CDYL: variants seen among roughly 807,000 people sequenced by gnomAD.
The protein encoded by CDYL is chromodomain Y-like protein.
Under a neutral mutation model 47.3 loss-of-function variants are expected in CDYL, and 8 were observed. The ratio of observed to expected loss-of-function variants is 0.17; its 90% CI spans 0.10 to 0.31. The LOEUF (loss-of-function observed/expected upper bound fraction) is 0.31, where lower values mean the gene tolerates loss of function less well. Among genes scored for constraint, CDYL ranks in the 10% least tolerant of loss-of-function variants. The pLI is 1.00. For synonymous variants in CDYL, 266 were observed against 265.0 expected, an observed-to-expected ratio of 1.00 and a Z score of -0.04; for missense variants, 471 against 701.4, an observed-to-expected ratio of 0.67 and a Z score of 3.71.
intron 1 of CDYL, among the ~76,000 whole-genome samples, chr6:4,864,065 C>A (rs904308989): frequency 6.6e-6 from 1 of 152,132 alleles, no homozygotes; most frequent in Non-Finnish European, 1.5e-5. Context: ...TGTAATGACA[C>A]TGACTATGGA....
chr6:4,768,587 G>A (rs1359962425), intron 3 of CDYL, among the ~76,000 whole-genome samples: 1 of 152,146 alleles, frequency 6.6e-6, no homozygotes, highest in Non-Finnish European at 1.5e-5. Context: ...TATAAAAAAT[G>A]AATAAATTAA....
intron 1 of CDYL, among the ~76,000 whole-genome samples, chr6:4,885,126 TG>T (rs1318563134): frequency 6.6e-6 from 1 of 152,158 alleles, no homozygotes; most frequent in Non-Finnish European, 1.5e-5. Context: ...CCCAGGTAGC[TG>T]GGATTACAAG....
chr6:4,835,520 G>T (rs149492791), intron 1 of CDYL, among the ~76,000 whole-genome samples: 5,841 of 152,326 alleles, frequency 0.038, 163 homozygotes, highest in South Asian at 0.081. Context: ...CAGGGGTCAG[G>T]GGTCAGGGAC....
At chr6:4,766,826 A>G (rs1758258578) in intron 3 of CDYL, among the ~76,000 whole-genome samples, 1 of 151,928 alleles carries the variant, frequency 6.6e-6, no homozygotes, top group African/African-American at 2.4e-5. Context: ...CAATCTGGTG[A>G]AACCCTGTTC....
intron 1 of CDYL, among the ~76,000 whole-genome samples, chr6:4,849,403 C>CT (rs1760755121): frequency 6.6e-6 from 1 of 152,124 alleles, no homozygotes; most frequent in Non-Finnish European, 1.5e-5. Context: ...AATGCAAGTG[C>CT]TTTTTGAGGT....
At chr6:4,742,542 A>G (rs983489680) in intron 3 of CDYL, among the ~76,000 whole-genome samples, 2 of 152,016 alleles carry the variant, frequency 1.3e-5, no homozygotes, top group Non-Finnish European at 2.9e-5. Flanking sequence ...GAAGAGAGAA[A>G]TATTGCAGGT....
At chr6:4,762,672 T>C (rs923491213) in intron 3 of CDYL, among the ~76,000 whole-genome samples, 1 of 120,488 alleles carries the variant, frequency 8.3e-6, no homozygotes, top group African/African-American at 3.2e-5. Flanking sequence ...AAAAAAAAGG[T>C]TTAAGAGCAG....
intron 2 of CDYL, chr6:4,715,987 G>C: frequency 2.0e-6 from 3 of 1,476,838 alleles, no homozygotes; most frequent in Non-Finnish European, 2.7e-6. Context: ...GGTGGCTCAC[G>C]CCTATAATCC....
In CDYL at chr6:4,744,267, A is replaced by C. The variant is rs56914014; in HGVS notation, c.186+9423A>C. ...CAGCACTCTGGGAGGCTGAGGTGGGAGGACTGCTTGAGGCCAGGAATTTAA... is the reference window on the plus strand; with the variant it reads ...CAGCACTCTGGGAGGCTGAGGTGGGCGGACTGCTTGAGGCCAGGAATTTAA... On this transcript the variant is annotated intron_variant, in intron 3 of 8. Transcript: ENST00000328908. 1.6e-3 allele frequency among the ~76,000 whole-genome samples: 246 copies of C among 152,308 alleles called. 1 individual carries two copies. The highest frequency in any genetic ancestry group is 6.8e-3 in the Middle Eastern group (2 of 294).
At chr6:4,797,027 T>G (rs1162455320) in intron 1 of CDYL, among the ~76,000 whole-genome samples, 2 of 152,228 alleles carry the variant, frequency 1.3e-5, no homozygotes, top group Non-Finnish European at 2.9e-5. Flanking sequence ...TATCTGTTAT[T>G]TTGATTAAAT....
At chr6:4,741,439 A>G (rs1239133095) in intron 3 of CDYL, among the ~76,000 whole-genome samples, 1 of 152,254 alleles carries the variant, frequency 6.6e-6, no homozygotes, top group Non-Finnish European at 1.5e-5. Context: ...AAACCTAGAG[A>G]TAAGCAGTCC....
chr6:4,883,448 A>G (rs1761817912), intron 1 of CDYL, among the ~76,000 whole-genome samples: 1 of 152,214 alleles, frequency 6.6e-6, no homozygotes, highest in Admixed American at 6.5e-5. Flanking sequence ...TATCAGAAGC[A>G]GCAGGGGATG....
chr6:4,860,124 A>G (rs1761121585), intron 1 of CDYL, among the ~76,000 whole-genome samples: 1 of 151,906 alleles, frequency 6.6e-6, no homozygotes, highest in South Asian at 2.1e-4. Flanking sequence ...GATGGTCTCG[A>G]TCTCCTGACC....
chr6:4,952,518 A>G, intron 6 of CDYL, 109 bp downstream of exon 6: 1 of 1,214,454 alleles, frequency 8.2e-7, no homozygotes, highest in Non-Finnish European at 1.1e-6. Flanking sequence ...TTTGTCCTCA[A>G]CAGAGCACCT....
chr6:4,955,007 T>G lies in CDYL; in HGVS notation c.*951T>G, dbSNP rs1373312223. The G allele has an allele frequency of 6.6e-5, 10 of 152,576 alleles. No homozygotes were observed. Among genetic ancestry groups the G allele is most frequent in the Admixed American group, 5.9e-4 (9 of 15,290 alleles). 9.5% of individuals were successfully genotyped at this position (152,576 alleles called of 1,614,324 possible). A position where few individuals can be genotyped will look rare whatever the true frequency, so the allele number is the denominator to read the frequency against. On this transcript the variant is annotated 3_prime_UTR_variant, in exon 7 of 7. Transcript: ENST00000397588. ...TATAAAGTGTAATTTTTAGGTTCAC[T>G]TAGAATATATTTTATTTAATAAGTT...
intron 1 of CDYL, among the ~76,000 whole-genome samples, chr6:4,818,574 G>C (rs113431184): frequency 0.023 from 3,506 of 152,166 alleles, 143 homozygotes; most frequent in African/African-American, 0.08. Context: ...ATTGACTTTT[G>C]GGCCACAATT....
chr6:4,942,226 TG>T (rs1322049708), intron 4 of CDYL, among the ~76,000 whole-genome samples: 1 of 152,122 alleles, frequency 6.6e-6, no homozygotes, highest in Non-Finnish European at 1.5e-5. Flanking sequence ...CCACAAACCT[TG>T]GGGGCTAGGC....
At chr6:4,805,664 C>G (rs9502240) in intron 1 of CDYL, among the ~76,000 whole-genome samples, 4,478 of 152,164 alleles carry the variant, frequency 0.029, 72 homozygotes, top group Middle Eastern at 0.075. Context: ...ACTGAAGGCC[C>G]GGGAACCAGG....
At chr6:4,825,840 T>C (rs1000207159) in intron 1 of CDYL, among the ~76,000 whole-genome samples, 3 of 135,104 alleles carry the variant, frequency 2.2e-5, no homozygotes, top group Non-Finnish European at 4.6e-5. Context: ...TACATACACC[T>C]AGAATGGCAA....
Sources: allele counts gnomAD v4.1 joint callset (sites outside exome capture counted in the v4.1 genomes callset), GRCh38; gene constraint gnomAD v4.1.1; transcripts MANE v1.5; gene names NCBI Gene and HGNC (gene_info 2026-07-23, HGNC 2026-07-21).